Variants in VPS52 observed in about 807,000 individuals in gnomAD.
VPS52 encodes vacuolar protein sorting-associated protein 52 homolog.
A neutral mutation model predicts 98.7 loss-of-function variants in VPS52; 56 were observed. That is an observed-to-expected ratio of 0.57 (90% confidence interval 0.46 to 0.71). The LOEUF (loss-of-function observed/expected upper bound fraction) is 0.71. VPS52 is among the 30% of genes least tolerant of loss of function. The probability of loss-of-function intolerance (pLI) is 0.00; values close to 1 mark genes in which losing one functional copy is unlikely to be tolerated. For missense variants in VPS52, 742 were observed against 925.9 expected, an observed-to-expected ratio of 0.80 and a Z score of 2.58; for synonymous variants, 348 against 346.4, an observed-to-expected ratio of 1.00 and a Z score of -0.05.
chr6:33,271,589 C>A lies in VPS52; in HGVS notation c.87G>T (p.Pro29=). Reference sequence around the variant, plus strand: ...AGAAACAGCTCCGCGCTCTCACCAGCGGGCCCTCTTCCTCCTCCATATCTG... The same window carrying A: ...AGAAACAGCTCCGCGCTCTCACCAGAGGGCCCTCTTCCTCCTCCATATCTG... The part of the protein sequence containing the change: ...GTSDMEEEEG[P]LAGGPGLQEP... Residue 29 remains proline, a synonymous_variant, in exon 1 of 20, where the codon CCG becomes CCT. Coordinates refer to ENST00000445902, the MANE Select transcript of VPS52 (RefSeq NM_022553.6). The A allele has an allele frequency of 6.2e-7, 1 of 1,604,852 alleles. No individual in the cohort carries two copies.
rs142445456 is a variant in VPS52 at position 33,255,392 on chromosome 6, A to C, written c.1795-3421T>G. ...TTAAGTGCATCTTTGTGGGTGCCTT[A>C]ATCTCCTGCAATGATCCCGCCTCAG... On this transcript the variant is annotated intron_variant, in intron 17 of 19. Transcript: ENST00000445902. Among the ~76,000 whole-genome samples the C allele has an allele frequency of 3.8e-3, 578 of 151,126 alleles. 4 individuals carry two copies. The highest frequency in any genetic ancestry group is 0.013 in the African/African-American group (539 of 41,134).
intron 17 of VPS52, among the ~76,000 whole-genome samples, chr6:33,261,533 G>C (rs1294019071): frequency 1.3e-5 from 2 of 150,892 alleles, no homozygotes; most frequent in African/African-American, 4.9e-5. Flanking sequence ...CCATTACACA[G>C]AAGAATGAAA....
intron 17 of VPS52, among the ~76,000 whole-genome samples, chr6:33,255,809 A>G (rs1444267419): frequency 1.3e-5 from 2 of 151,348 alleles, no homozygotes; most frequent in African/African-American, 4.8e-5. Context: ...AAAAAAAAAA[A>G]AAAAAGAAAT....
chr6:33,268,648 C>T lies in VPS52; in HGVS notation c.550G>A (p.Ala184Thr). 1 of 1,600,116 alleles carries T rather than the reference C, an allele frequency of 6.2e-7. No homozygotes were observed. The highest frequency in any genetic ancestry group is 8.5e-7 in the Non-Finnish European group (1 of 1,177,360). ...TCTGTCACTGGAGCCTCCAGAATTG[C>T]CCTGGTTAGCAGGGAGGGGTGGGAT... ...GLVVPSALVT[A>T]ILEAPVTEPR... Residue 184 changes from alanine (A) to threonine (T), a missense_variant and splice_region_variant, in exon 7 of 20, where the codon GCA (alanine) becomes ACA (threonine). By Grantham distance (58) the Ala-to-Thr change is moderately conservative. This residue lies in a region of VPS52 where 590 missense variants were observed against 793.3 expected (regional missense o/e 0.74). Coordinates refer to ENST00000445902, the MANE Select transcript of VPS52 (RefSeq NM_022553.6). This position sits in a 1 kb window ranked among gnomAD's most constrained non-coding sequence, Gnocchi z 4.0.
At position 33,268,988 on chromosome 6, in the gene VPS52, T is replaced by C; in HGVS notation, c.548+26A>G. On this transcript the variant is annotated intron_variant, in intron 6 of 19. Coordinates refer to ENST00000445902, the MANE Select transcript of VPS52 (RefSeq NM_022553.6). This position sits in a 1 kb window ranked among gnomAD's most constrained non-coding sequence, Gnocchi z 4.0. ...CAGCCCATCCACCTGCTATGGACAT[T>C]ATAACCCTTCAAACTGGTAACTCAC... 1 of 1,610,782 alleles carries C rather than the reference T, an allele frequency of 6.2e-7. No homozygotes were observed. Among genetic ancestry groups the C allele is most frequent in the Non-Finnish European group, 8.5e-7 (1 of 1,179,580 alleles).
Position 33,250,857 on chromosome 6 carries a change from T to C in VPS52, c.2156A>G (p.His719Arg). ...IHHLMVELKK[H>R]KPNF ...TCTGGCACATCAGAAGTTGGGCTTA[T>C]GCTTCTTGAGCTCCACCATAAGGTG... is the stretch of plus-strand genomic sequence containing the variant. Residue 719 changes from histidine (H) to arginine (R), a missense_variant, in exon 20 of 20, where the codon CAT becomes CGT. By Grantham distance (29) the His-to-Arg change is conservative. Coordinates refer to ENST00000445902, the MANE Select transcript of VPS52 (RefSeq NM_022553.6). 1 of 1,612,334 alleles carries C rather than the reference T, an allele frequency of 6.2e-7. No individual in the cohort carries two copies. The highest frequency in any genetic ancestry group is 1.7e-5 in the Admixed American group (1 of 59,936).
Position 33,268,033 on chromosome 6 carries a change from C to G in VPS52, c.801-36G>C. The G allele has an allele frequency of 6.2e-7, 1 of 1,612,952 alleles. No individual in the cohort carries two copies. Among genetic ancestry groups the G allele is most frequent in the Non-Finnish European group, 8.5e-7 (1 of 1,179,966 alleles). ...AGGAACATGTCAGTCTACCTGTCTCCCAAGAAACCAGATGCCCACACTAGG... is the reference window on the plus strand; with the variant it reads ...AGGAACATGTCAGTCTACCTGTCTCGCAAGAAACCAGATGCCCACACTAGG... On this transcript the variant is annotated intron_variant, in intron 8 of 19. Transcript: ENST00000445902. The surrounding 1 kb of genome is among the most constrained non-coding windows in gnomAD (Gnocchi z 4.0).
chr6:33,251,992 A>G (rs765553943), intron 17 of VPS52, 21 bp from the exon 18 acceptor site: 2 of 1,600,598 alleles, frequency 1.2e-6, no homozygotes, highest in Admixed American at 3.3e-5. Flanking sequence ...ACAAACACAT[A>G]TACACAGGTG....
At chr6:33,271,531 T>C (rs1765080028) in intron 1 of VPS52, 55 bp downstream of exon 1, 3 of 1,558,544 alleles carry the variant, frequency 1.9e-6, no homozygotes, top group African/African-American at 2.7e-5. Flanking sequence ...AGCTCAGGTC[T>C]TTCTGAAGCT....
At chr6:33,270,829 T>C (rs1323688558) in intron 1 of VPS52, among the ~76,000 whole-genome samples, 4 of 151,584 alleles carry the variant, frequency 2.6e-5, no homozygotes, top group Non-Finnish European at 1.5e-5. Context: ...CGGGCGCCTG[T>C]AGTCCCAGCT....
chr6:33,251,433 C>G, intron 19 of VPS52, 85 bp downstream of exon 19: 1 of 904,742 alleles, frequency 1.1e-6, no homozygotes, highest in Non-Finnish European at 1.8e-6. Context: ...CCAAGGGTCA[C>G]TTAGATGATG....
chr6:33,257,064 C>T (rs1763078426), intron 17 of VPS52, among the ~76,000 whole-genome samples: 1 of 152,116 alleles, frequency 6.6e-6, no homozygotes, highest in East Asian at 1.9e-4. Flanking sequence ...GGGTCTCACT[C>T]TGTTGCCCAG....
intron 17 of VPS52, among the ~76,000 whole-genome samples, chr6:33,257,677 G>A (rs1763149847): frequency 6.6e-6 from 1 of 152,188 alleles, no homozygotes; most frequent in Non-Finnish European, 1.5e-5. Context: ...GGGATTACAG[G>A]CGTGAGCCAC....
Position 33,270,188 on chromosome 6 carries a change from C to T in VPS52, c.175+11G>A. 6.2e-7 allele frequency: 1 copy of T among 1,612,042 alleles called. No homozygotes were observed. Among genetic ancestry groups the T allele is most frequent in the Non-Finnish European group, 8.5e-7 (1 of 1,178,284 alleles). On this transcript the variant is annotated intron_variant, in intron 2 of 19. Transcript: ENST00000445902. Reference sequence around the variant, plus strand: ...TTACAGGTACTGCACCCACCCCATGCCATCGCTTACCATCCACTTCATCCA... The same window carrying T: ...TTACAGGTACTGCACCCACCCCATGTCATCGCTTACCATCCACTTCATCCA...
At position 33,266,661 on chromosome 6, in the gene VPS52, A is replaced by G; in HGVS notation, c.1177T>C (p.Ser393Pro). The change falls in exon 12 of 20, where the codon TCC becomes CCC. Residue 393 changes from serine (S) to proline (P), a missense_variant. Ser to Pro is a moderately conservative substitution (Grantham distance 74). Transcript: ENST00000445902. ...RSQHYALLDN[S>P]CREYLFICEF... ...CAGATGAAAAGGTATTCGCGGCAGG[A>G]ATTGTCTAGGAGGGCGTAGTGCTGG... 6.2e-7 allele frequency: 1 copy of G among 1,612,922 alleles called. No homozygotes were observed. Among genetic ancestry groups the G allele is most frequent in the Non-Finnish European group, 8.5e-7 (1 of 1,179,958 alleles).
At chr6:33,270,645 T>C (rs1764912973) in intron 1 of VPS52, among the ~76,000 whole-genome samples, 1 of 151,714 alleles carries the variant, frequency 6.6e-6, no homozygotes, top group African/African-American at 2.4e-5. Context: ...CAAAAAAAGG[T>C]AAAAGACAAG....
At position 33,267,894 on chromosome 6, in the gene VPS52, A is replaced by T; in HGVS notation, c.904T>A (p.Ser302Thr). 1 of 1,613,008 alleles carries T rather than the reference A, an allele frequency of 6.2e-7. No individual in the cohort carries two copies. Residue 302 changes from serine to threonine, a missense_variant, in exon 9 of 20, where the codon TCT (serine) becomes ACT (threonine). Transcript: ENST00000445902. This position sits in a 1 kb window ranked among gnomAD's most constrained non-coding sequence, Gnocchi z 4.2. ...LSKIYLSYYR[S>T]YLGRLMKVQY... is the part of the protein sequence containing the mutation. The stretch of plus-strand genomic sequence containing the variant: ...ACCTTCATGAGCCGCCCCAGGTAAG[A>T]GCGGTAGTAAGACAGGTAAATCTTG...
In VPS52 at chr6:33,251,882, A is replaced by C; in HGVS notation, c.1884T>G (p.Ala628=). 1 of 1,613,348 alleles carries C rather than the reference A, an allele frequency of 6.2e-7. No homozygotes were observed. The highest frequency in any genetic ancestry group is 8.5e-7 in the Non-Finnish European group (1 of 1,180,040). The change falls in exon 18 of 20, where the codon GCT becomes GCG. Residue 628 remains alanine, a synonymous_variant. Coordinates refer to ENST00000445902, the MANE Select transcript of VPS52 (RefSeq NM_022553.6). ...EAEALIERGQ[A]ERLRGEEARV... is the part of the protein sequence containing the mutation. ...TACCTTCTTCCCCTCGAAGTCGCTC[A>C]GCCTGTCCACGCTCAATCAAAGCCT...
intron 17 of VPS52, among the ~76,000 whole-genome samples, chr6:33,255,910 G>T (rs1762892442): frequency 6.6e-6 from 1 of 152,092 alleles, no homozygotes; most frequent in Admixed American, 6.6e-5. Flanking sequence ...CCAAAGTGCT[G>T]GGATTACAGG....
Sources: allele counts gnomAD v4.1 joint callset (sites outside exome capture counted in the v4.1 genomes callset), GRCh38; gene constraint gnomAD v4.1.1; regional missense constraint gnomAD v4.1.1; non-coding constraint Gnocchi (gnomAD v3.1); transcripts MANE v1.5; gene names NCBI Gene and HGNC (gene_info 2026-07-23, HGNC 2026-07-21).